CADPS: variants seen among roughly 807,000 people sequenced by gnomAD.
CADPS encodes the protein calcium-dependent secretion activator 1.
In CADPS, 57 loss-of-function variants were observed where a neutral mutation model predicts 167.3. The ratio of observed to expected loss-of-function variants is 0.34; its 90% CI spans 0.28 to 0.42. The LOEUF (loss-of-function observed/expected upper bound fraction) is 0.42. CADPS is among the 20% of genes least tolerant of loss of function. CADPS has a pLI of 1.00. For missense variants in CADPS, 1,414 were observed against 1,738.1 expected (o/e 0.81, Z 3.32); for synonymous variants, 676 against 635.3 (o/e 1.06, Z -0.96).
rs61474581 is a variant in CADPS at position 62,583,155 on chromosome 3, G to GTCTCTCTCTCTCTC, written c.1577+2016_1577+2029dup. Among the ~76,000 whole-genome samples the GTCTCTCTCTCTCTC allele has an allele frequency of 1.1e-3, 162 of 147,294 alleles. 1 individual carries two copies. The East Asian group carries it at 0.011, about 10-fold the overall frequency. The stretch of plus-strand genomic sequence containing the variant: ...CTCTTTGATCTGCCCTACCCTCTTT[G>GTCTCTCTCTCTCTC]TCTCTCTCTCTCTCTCTCTCTCTCT... On this transcript the variant is annotated intron_variant, in intron 8 of 29. Transcript: ENST00000383710.
At chr3:62,754,547 G>A (rs2083431540) in intron 2 of CADPS, among the ~76,000 whole-genome samples, 1 of 152,118 alleles carries the variant, frequency 6.6e-6, no homozygotes, top group Non-Finnish European at 1.5e-5. Context: ...CCAGACTTCA[G>A]TAGTGATCAC....
chr3:62,410,158 T>C (rs2048687068), intron 28 of CADPS, among the ~76,000 whole-genome samples: 1 of 152,088 alleles, frequency 6.6e-6, no homozygotes, highest in Non-Finnish European at 1.5e-5. Flanking sequence ...AATAATGGCC[T>C]AAGAACAAAT....
rs2068276469 is a variant in CADPS, at chr3:62,513,350, C to T, written c.2582-582G>A. Among the ~76,000 whole-genome samples, 4 of 152,126 alleles carry T rather than the reference C, an allele frequency of 2.6e-5. 1 individual carries two copies. The South Asian group carries it at 8.3e-4, about 32-fold the overall frequency. ...ACAAGCACTTTACAAATTAGGGTTA[C>T]ACACAAGCAAAGTAAAAATGCATTC... is the stretch of plus-strand genomic sequence containing the variant. On this transcript the variant is annotated intron_variant, in intron 16 of 29. Transcript: ENST00000383710.
Position 62,398,614 on chromosome 3 carries a change from G to C in CADPS, c.*792C>G, listed in dbSNP as rs1704854935. The C allele has an allele frequency of 6.6e-6, 1 of 152,550 alleles. No individual in the cohort carries two copies. Among genetic ancestry groups the C allele is most frequent in the Admixed American group, 6.5e-5 (1 of 15,270 alleles). The allele number at this position is 152,550 out of a possible 1,614,324, so 9.4% of individuals were successfully genotyped here. On this transcript the variant is annotated 3_prime_UTR_variant, in exon 30 of 30. Coordinates refer to ENST00000383710, the MANE Select transcript of CADPS (RefSeq NM_003716.4). ...ACATCTTATTATAAACACATTTTTA[G>C]TCTAGGGTTGTAATTTAAATATTCA...
At chr3:62,456,625 G>C (rs1175870605) in intron 26 of CADPS, among the ~76,000 whole-genome samples, 1 of 152,066 alleles carries the variant, frequency 6.6e-6, no homozygotes, top group African/African-American at 2.4e-5. Flanking sequence ...TTAATGATGA[G>C]TTTTTGGAGC....
intron 3 of CADPS, among the ~76,000 whole-genome samples, chr3:62,717,123 C>T (rs886747498): frequency 6.6e-6 from 1 of 152,130 alleles, no homozygotes; most frequent in Non-Finnish European, 1.5e-5. Context: ...TATCATTCAC[C>T]TCTCACTCAC....
intron 3 of CADPS, among the ~76,000 whole-genome samples, chr3:62,726,943 C>G (rs2076857599): frequency 1.3e-5 from 2 of 151,828 alleles, no homozygotes; most frequent in Non-Finnish European, 2.9e-5. Flanking sequence ...GAAGTCATTG[C>G]TTTAAGATCA....
intron 1 of CADPS, among the ~76,000 whole-genome samples, chr3:62,804,784 T>A (rs1390032126): frequency 6.6e-6 from 1 of 152,190 alleles, no homozygotes; most frequent in Non-Finnish European, 1.5e-5. Flanking sequence ...TTTATTTATT[T>A]ATATATTTGT....
chr3:62,488,212 A>G (rs1196049396), intron 21 of CADPS, among the ~76,000 whole-genome samples: 1 of 152,210 alleles, frequency 6.6e-6, no homozygotes, highest in Non-Finnish European at 1.5e-5. Flanking sequence ...TGGAAAAAAA[A>G]TCTAAGAAGA....
At chr3:62,482,502 T>G (rs1411571878) in intron 21 of CADPS, among the ~76,000 whole-genome samples, 1 of 152,170 alleles carries the variant, frequency 6.6e-6, no homozygotes, top group East Asian at 1.9e-4. Context: ...AAGATCAGAT[T>G]TGAATAATTT....
At chr3:62,772,081 T>G (rs1251531302) in intron 1 of CADPS, among the ~76,000 whole-genome samples, 1 of 151,720 alleles carries the variant, frequency 6.6e-6, no homozygotes, top group Non-Finnish European at 1.5e-5. Context: ...ATACGTATAA[T>G]ATATATATTT....
intron 18 of CADPS, among the ~76,000 whole-genome samples, chr3:62,496,606 C>T (rs913388189): frequency 2.6e-5 from 4 of 152,186 alleles, no homozygotes; most frequent in African/African-American, 9.7e-5. Flanking sequence ...ACACCAGATG[C>T]TTTAATGAAT....
At chr3:62,705,559 G>T (rs984484704) in intron 3 of CADPS, among the ~76,000 whole-genome samples, 6 of 152,134 alleles carry the variant, frequency 3.9e-5, no homozygotes, top group Admixed American at 3.9e-4. Flanking sequence ...GGGCACAATA[G>T]AATCAGCTGC....
intron 5 of CADPS, among the ~76,000 whole-genome samples, chr3:62,649,706 A>G (rs1219150141): frequency 6.7e-6 from 1 of 149,776 alleles, no homozygotes; most frequent in Non-Finnish European, 1.5e-5. Flanking sequence ...ACACCATCAC[A>G]CTCAGCTAAT....
At chr3:62,427,074 CAA>C (rs58024853) in intron 28 of CADPS, among the ~76,000 whole-genome samples, 20 of 102,538 alleles carry the variant, frequency 2.0e-4, no homozygotes, top group Admixed American at 2.2e-4. Flanking sequence ...GACTCCGTAT[CAA>C]AAAAAAAAAA....
intron 5 of CADPS, 72 bp downstream of exon 5, chr3:62,650,775 A>G (rs2069896995): frequency 8.9e-7 from 1 of 1,118,304 alleles, no homozygotes; most frequent in Admixed American, 1.9e-5. Flanking sequence ...AAACAAGCTG[A>G]TTGTGACGCA....
At chr3:62,556,562 C>CATAAAA (rs2078176589) in intron 10 of CADPS, among the ~76,000 whole-genome samples, 1 of 151,798 alleles carries the variant, frequency 6.6e-6, no homozygotes, top group African/African-American at 2.4e-5. Flanking sequence ...GCAGATTTGG[C>CATAAAA]ATAAAAATAA....
rs560432541 is a variant in CADPS at position 62,496,448 on chromosome 3, C to T, written c.2706+2714G>A. Reference sequence around the variant, plus strand: ...CCTTGAAATGAATCTGCTCTCAACACGTTCTGTTTATTCTGTTCATTTGGT... The same window carrying T: ...CCTTGAAATGAATCTGCTCTCAACATGTTCTGTTTATTCTGTTCATTTGGT... On this transcript the variant is annotated intron_variant, in intron 18 of 29. Transcript: ENST00000383710. 1.8e-4 allele frequency among the ~76,000 whole-genome samples: 27 copies of T among 152,272 alleles called. No individual in the cohort carries two copies. In the South Asian group the frequency reaches 4.6e-3, roughly 26 times the overall value.
intron 3 of CADPS, among the ~76,000 whole-genome samples, chr3:62,686,512 G>A (rs535940541): frequency 6.6e-6 from 1 of 151,932 alleles, no homozygotes; most frequent in Non-Finnish European, 1.5e-5. Flanking sequence ...CCTGTGGCTA[G>A]AGGGGAGAAA....
Sources: gnomAD v4.1 joint callset for allele counts (sites outside exome capture counted in the v4.1 genomes callset) on GRCh38, gnomAD v4.1.1 for gene constraint, MANE v1.5 for transcripts, NCBI Gene and HGNC (gene_info 2026-07-23, HGNC 2026-07-21) for gene names.